Variants in PPP2R2B observed in about 807,000 individuals in gnomAD.
The protein encoded by PPP2R2B is protein phosphatase 2 regulatory subunit Bbeta.
In PPP2R2B, 5 loss-of-function variants were observed where a neutral mutation model predicts 46.0. The observed-to-expected ratio is 0.11, with a 90% confidence interval of 0.06 to 0.23. PPP2R2B has a LOEUF of 0.23. PPP2R2B is among the 10% of genes least tolerant of loss of function. PPP2R2B has a pLI of 1.00. For missense variants in PPP2R2B, 367 were observed against 575.0 expected, an observed-to-expected ratio of 0.64 and a Z score of 3.70; for synonymous variants, 215 against 206.7, an observed-to-expected ratio of 1.04 and a Z score of -0.34.
At chr5:147,072,971 A>G (rs1174230779) in intron 2 of PPP2R2B, among the ~76,000 whole-genome samples, 1 of 152,078 alleles carries the variant, frequency 6.6e-6, no homozygotes, top group Non-Finnish European at 1.5e-5. Flanking sequence ...GGGTTGGGTG[A>G]CTTACTCTTT....
At chr5:146,844,590 C>T (rs1341144068) in intron 2 of PPP2R2B, among the ~76,000 whole-genome samples, 2 of 152,118 alleles carry the variant, frequency 1.3e-5, no homozygotes, top group African/African-American at 2.4e-5. Context: ...CCTGCATGCC[C>T]GGATCCATTC....
intron 2 of PPP2R2B, among the ~76,000 whole-genome samples, chr5:146,740,973 G>A (rs1752840136): frequency 6.6e-6 from 1 of 151,348 alleles, no homozygotes; most frequent in Non-Finnish European, 1.5e-5. Context: ...GGAGGCGGAG[G>A]TGGCAGTGAG....
chr5:146,857,583 G>A (rs1242238804), intron 2 of PPP2R2B, among the ~76,000 whole-genome samples: 2 of 152,050 alleles, frequency 1.3e-5, no homozygotes, highest in Admixed American at 1.3e-4. Context: ...TACTGATACT[G>A]GATCAAAGAT....
At chr5:146,954,353 A>C (rs1342885027) in intron 1 of PPP2R2B, among the ~76,000 whole-genome samples, 1 of 152,180 alleles carries the variant, frequency 6.6e-6, no homozygotes, top group Admixed American at 6.6e-5. Context: ...AAAATGTATG[A>C]ATTGAAAAGA....
At chr5:146,638,777 A>T (rs1289527267) in intron 6 of PPP2R2B, among the ~76,000 whole-genome samples, 11 of 152,234 alleles carry the variant, frequency 7.2e-5, no homozygotes, top group Non-Finnish European at 1.5e-4. Context: ...AATAATGATT[A>T]AGGTACTGGT....
chr5:146,928,603 A>G lies in PPP2R2B; in HGVS notation c.79+127062T>C, dbSNP rs569521557. On this transcript the variant is annotated intron_variant, in intron 1 of 8. Transcript: ENST00000336640. ...CTGCTACCATCCTAGTCTGAGAAATACCATCTTTCACAGGACTATTGCAAC... is the reference window on the plus strand; with the variant it reads ...CTGCTACCATCCTAGTCTGAGAAATGCCATCTTTCACAGGACTATTGCAAC... Among the ~76,000 whole-genome samples the G allele has an allele frequency of 3.3e-5, 5 of 152,284 alleles. No individual in the cohort carries two copies. The South Asian group carries it at 1.0e-3, about 32-fold the overall frequency.
chr5:147,039,155 T>C (rs569318300), intron 1 of PPP2R2B, among the ~76,000 whole-genome samples: 1 of 152,272 alleles, frequency 6.6e-6, no homozygotes, highest in Non-Finnish European at 1.5e-5. Context: ...AAGCCTCAGC[T>C]CAAATGCACC....
At chr5:147,050,587 AG>A (rs927494736) in intron 1 of PPP2R2B, among the ~76,000 whole-genome samples, 14 of 152,106 alleles carry the variant, frequency 9.2e-5, no homozygotes, top group African/African-American at 3.4e-4. Context: ...GTGTGAACTT[AG>A]ACTACTTAAC....
At chr5:146,802,137 C>G (rs994369835) in intron 2 of PPP2R2B, among the ~76,000 whole-genome samples, 1 of 152,124 alleles carries the variant, frequency 6.6e-6, no homozygotes, top group South Asian at 2.1e-4. Flanking sequence ...GAGTAACAAT[C>G]TGACTGAGGA....
intron 2 of PPP2R2B, among the ~76,000 whole-genome samples, chr5:146,719,719 A>T (rs1445404406): frequency 6.6e-6 from 1 of 151,576 alleles, no homozygotes; most frequent in Non-Finnish European, 1.5e-5. Flanking sequence ...CATATCTGAC[A>T]AGCAGATTTA....
At chr5:147,055,767 T>C in exon 1 of PPP2R2B, 1 of 1,588,726 alleles carries the variant, frequency 6.3e-7, no homozygotes, top group Non-Finnish European at 8.6e-7. Context: ...AATAAAAATC[T>C]AAATAAAAAA....
chr5:146,913,606 C>T (rs951356302), intron 1 of PPP2R2B, among the ~76,000 whole-genome samples: 16 of 151,696 alleles, frequency 1.1e-4, no homozygotes, highest in South Asian at 2.1e-4. Context: ...TTGATCTCCA[C>T]TTTGCCTTTA....
At chr5:147,026,652 A>G (rs1474431168) in intron 1 of PPP2R2B, among the ~76,000 whole-genome samples, 2 of 152,218 alleles carry the variant, frequency 1.3e-5, no homozygotes, top group African/African-American at 4.8e-5. Flanking sequence ...AACTATTTAA[A>G]TAAATATTTC....
At chr5:146,622,932 A>G (rs998064139) in intron 7 of PPP2R2B, among the ~76,000 whole-genome samples, 2 of 152,214 alleles carry the variant, frequency 1.3e-5, no homozygotes, top group Non-Finnish European at 2.9e-5. Context: ...CATTGAGACA[A>G]TTCTGAGTTT....
chr5:146,956,398 GC>G (rs1477764705), intron 1 of PPP2R2B, among the ~76,000 whole-genome samples: 1 of 152,014 alleles, frequency 6.6e-6, no homozygotes, highest in Non-Finnish European at 1.5e-5. Flanking sequence ...AAAAATAATT[GC>G]CCTGGTCACT....
chr5:146,821,985 C>T (rs1344243203), intron 2 of PPP2R2B, among the ~76,000 whole-genome samples: 2 of 152,128 alleles, frequency 1.3e-5, no homozygotes, highest in Non-Finnish European at 2.9e-5. Flanking sequence ...ACAGTGAATC[C>T]GTGGCCCAAG....
At chr5:146,702,280 C>T (rs1363458297) in intron 2 of PPP2R2B, among the ~76,000 whole-genome samples, 2 of 152,114 alleles carry the variant, frequency 1.3e-5, no homozygotes, top group African/African-American at 2.4e-5. Context: ...TAAAATTCTC[C>T]ACTTCACATA....
At chr5:147,079,765 T>C (rs1377913817) in intron 2 of PPP2R2B, among the ~76,000 whole-genome samples, 3 of 152,040 alleles carry the variant, frequency 2.0e-5, no homozygotes, top group Non-Finnish European at 4.4e-5. Flanking sequence ...TTTTGTTCTA[T>C]AGCACAGTAG....
chr5:146,840,673 G>C (rs1759581430), intron 2 of PPP2R2B, among the ~76,000 whole-genome samples: 1 of 152,226 alleles, frequency 6.6e-6, no homozygotes, highest in East Asian at 1.9e-4. Flanking sequence ...GTTCTATTTT[G>C]ACTCCAATTT....
Sources: gnomAD v4.1 joint callset for allele counts (sites outside exome capture counted in the v4.1 genomes callset) on GRCh38, gnomAD v4.1.1 for gene constraint, MANE v1.5 for transcripts, NCBI Gene and HGNC (gene_info 2026-07-23, HGNC 2026-07-21) for gene names.